TSPAN5: variants seen among roughly 807,000 people sequenced by gnomAD.
TSPAN5 encodes tetraspanin-5.
In TSPAN5, 10 loss-of-function variants were observed where a neutral mutation model predicts 37.1. The ratio of observed to expected loss-of-function variants is 0.27; its 90% CI spans 0.17 to 0.46. The LOEUF is 0.46. Ranked by LOEUF, TSPAN5 falls within the 20% of genes least tolerant of loss-of-function variation. The pLI is 1.00. For synonymous variants in TSPAN5, 110 were observed against 118.9 expected (o/e 0.93, Z 0.48); for missense variants, 195 against 326.6 (o/e 0.60, Z 3.11).
chr4:98,580,643 A>C (rs1755346435), intron 1 of TSPAN5, among the ~76,000 whole-genome samples: 1 of 152,222 alleles, frequency 6.6e-6, no homozygotes, highest in South Asian at 2.1e-4. Context: ...ATTAAAAGGA[A>C]ACTAGGGAGG....
chr4:98,484,579 G>A (rs1400745626), intron 3 of TSPAN5: 11 of 455,850 alleles, frequency 2.4e-5, no homozygotes, highest in South Asian at 1.5e-5. Context: ...TGCCTGTTCA[G>A]TTAACACTGG....
chr4:98,600,756 A>G (rs185307579), intron 1 of TSPAN5, among the ~76,000 whole-genome samples: 108 of 152,228 alleles, frequency 7.1e-4, no homozygotes, highest in African/African-American at 2.5e-3. Context: ...GTTAATATTT[A>G]TATTTGTACC....
Position 98,472,531 on chromosome 4 carries a change from C to T in TSPAN5, c.798G>A (p.Ala266=), listed in dbSNP as rs776116421. The change falls in exon 8 of 8, where the codon GCG becomes GCA. Residue 266 remains alanine, a synonymous_variant. Transcript: ENST00000305798. ...AGCGGTTGCAGGGGGTCTACCAGCT[C>T]GCCCTGACAGCTTCGATATCGCTAA... ...NLVSDIEAVR[A]SW is the part of the protein sequence containing the mutation. 5 of 1,613,956 alleles carry T rather than the reference C, an allele frequency of 3.1e-6. No homozygotes were observed. The highest frequency in any genetic ancestry group is 4.5e-5 in the East Asian group (2 of 44,876).
At chr4:98,592,762 T>C (rs1158930751) in intron 1 of TSPAN5, among the ~76,000 whole-genome samples, 1 of 151,330 alleles carries the variant, frequency 6.6e-6, no homozygotes, top group Non-Finnish European at 1.5e-5. Flanking sequence ...ACAAAGGATA[T>C]GAACTCATCA....
intron 1 of TSPAN5, among the ~76,000 whole-genome samples, chr4:98,606,635 A>G (rs1450661149): frequency 6.6e-6 from 1 of 152,234 alleles, no homozygotes; most frequent in Admixed American, 6.5e-5. Flanking sequence ...CAAAAAAGCT[A>G]TTATTAGCAA....
chr4:98,506,295 C>A (rs1403832291), intron 2 of TSPAN5, among the ~76,000 whole-genome samples: 1 of 151,956 alleles, frequency 6.6e-6, no homozygotes, highest in African/African-American at 2.4e-5. Context: ...CAAGATCAAC[C>A]GATATTCAAT....
Position 98,575,773 on chromosome 4 carries a change from A to C in TSPAN5, c.82-68045T>G, listed in dbSNP as rs60988753. Among the ~76,000 whole-genome samples the C allele has an allele frequency of 5.4e-4, 5 of 9,200 alleles. No homozygotes were observed. The African/African-American group carries it at 7.0e-3, about 13-fold the overall frequency. The allele number at this position is 9,200 out of a possible 152,430, so 6.0% of individuals were successfully genotyped here. ...ATCCATCTGCGCCCCCCACCCCACAAAAAAAAAAAAAAAAGTGGCTGGGCG... is the reference window on the plus strand; with the variant it reads ...ATCCATCTGCGCCCCCCACCCCACACAAAAAAAAAAAAAAGTGGCTGGGCG... On this transcript the variant is annotated intron_variant, in intron 1 of 7. Transcript: ENST00000305798.
intron 1 of TSPAN5, among the ~76,000 whole-genome samples, chr4:98,598,035 C>A (rs1486553228): frequency 1.2e-4 from 11 of 88,034 alleles, no homozygotes; most frequent in Admixed American, 2.4e-4. Context: ...CCTCCCCCAG[C>A]CTCGTTGCCG....
intron 1 of TSPAN5, among the ~76,000 whole-genome samples, chr4:98,578,946 A>AT (rs1447849164): frequency 6.6e-6 from 1 of 152,038 alleles, no homozygotes. Context: ...ACAATGATCT[A>AT]TTTTTTACCT....
At chr4:98,627,498 A>G (rs1171925039) in intron 1 of TSPAN5, among the ~76,000 whole-genome samples, 3 of 152,208 alleles carry the variant, frequency 2.0e-5, no homozygotes, top group Non-Finnish European at 2.9e-5. Flanking sequence ...CACTGAATAA[A>G]ACAGGGAAAA....
At chr4:98,572,356 A>G (rs1043671614) in intron 1 of TSPAN5, among the ~76,000 whole-genome samples, 1 of 152,214 alleles carries the variant, frequency 6.6e-6, no homozygotes, top group African/African-American at 2.4e-5. Flanking sequence ...AAGCCTGGAC[A>G]GTGACACAGT....
At chr4:98,655,125 G>A (rs77335896) in intron 1 of TSPAN5, among the ~76,000 whole-genome samples, 7 of 152,150 alleles carry the variant, frequency 4.6e-5, no homozygotes, top group Non-Finnish European at 8.8e-5. Flanking sequence ...GATCGCAGGC[G>A]TGAGCCACCG....
intron 1 of TSPAN5, among the ~76,000 whole-genome samples, chr4:98,539,759 T>A (rs934947945): frequency 6.6e-6 from 1 of 152,158 alleles, no homozygotes; most frequent in Admixed American, 6.5e-5. Context: ...TCCCCTCCTA[T>A]AATATTATAC....
intron 3 of TSPAN5, chr4:98,482,794 C>A (rs910415113): frequency 1.3e-5 from 2 of 152,098 alleles, no homozygotes; most frequent in African/African-American, 4.8e-5. Flanking sequence ...AAAATGAAAC[C>A]CCTGAGTTGA....
intron 1 of TSPAN5, among the ~76,000 whole-genome samples, chr4:98,530,478 G>A (rs990121298): frequency 6.6e-6 from 1 of 152,140 alleles, no homozygotes; most frequent in Non-Finnish European, 1.5e-5. Flanking sequence ...AGCCACAGTG[G>A]AAAAGCCACA....
At chr4:98,591,872 A>G (rs1324342055) in intron 1 of TSPAN5, among the ~76,000 whole-genome samples, 1 of 152,124 alleles carries the variant, frequency 6.6e-6, no homozygotes, top group Non-Finnish European at 1.5e-5. Flanking sequence ...AAACTATAAA[A>G]TTTATGTGAA....
At chr4:98,592,584 C>A (rs1315932489) in intron 1 of TSPAN5, among the ~76,000 whole-genome samples, 2 of 119,118 alleles carry the variant, frequency 1.7e-5, no homozygotes, top group African/African-American at 3.2e-5. Flanking sequence ...TATCCCTCCC[C>A]CCTCCCCCGA....
At chr4:98,516,183 C>T (rs142405696) in intron 1 of TSPAN5, among the ~76,000 whole-genome samples, 48 of 152,320 alleles carry the variant, frequency 3.2e-4, no homozygotes, top group Admixed American at 4.6e-4. Context: ...GGCTCCTGTA[C>T]GCATATTTGT....
chr4:98,562,885 G>C (rs1176988395), intron 1 of TSPAN5, among the ~76,000 whole-genome samples: 1 of 152,170 alleles, frequency 6.6e-6, no homozygotes, highest in East Asian at 1.9e-4. Flanking sequence ...GGATGCTTTA[G>C]AGTATTCTAG....
Sources: gnomAD v4.1 joint callset for allele counts (sites outside exome capture counted in the v4.1 genomes callset) on GRCh38, gnomAD v4.1.1 for gene constraint, MANE v1.5 for transcripts, NCBI Gene and HGNC (gene_info 2026-07-23, HGNC 2026-07-21) for gene names.